Variants in MECOM observed in about 807,000 individuals in gnomAD.
The protein encoded by MECOM is MDS1 and EVI1 complex locus.
Under a neutral mutation model 116.3 loss-of-function variants are expected in MECOM, and 13 were observed. The observed-to-expected ratio is 0.11, with a 90% CI of 0.07 to 0.18. The LOEUF (loss-of-function observed/expected upper bound fraction) is 0.18, where lower values mean the gene tolerates loss of function less well. Among genes scored for constraint, MECOM ranks in the 10% least tolerant of loss-of-function variants. The pLI, the probability that MECOM is intolerant of heterozygous loss-of-function variation, is 1.00. For synonymous variants in MECOM, 528 were observed against 535.2 expected (o/e 0.99, Z 0.19); for missense variants, 1,299 against 1,509.0 (o/e 0.86, Z 2.31).
chr3:169,142,508 A>C (rs1738430093), intron 3 of MECOM, among the ~76,000 whole-genome samples: 1 of 151,962 alleles, frequency 6.6e-6, no homozygotes, highest in Non-Finnish European at 1.5e-5. Flanking sequence ...TTCTGTTCAC[A>C]ATCAATAGCT....
intron 1 of MECOM, among the ~76,000 whole-genome samples, chr3:169,472,533 A>AAAGG (rs1749553992): frequency 3.5e-5 from 3 of 85,144 alleles, no homozygotes; most frequent in African/African-American, 1.2e-4. Context: ...AAAAGAAAAG[A>AAAGG]AAAGGAAAGG....
chr3:169,157,081 A>T (rs1343554104), intron 2 of MECOM, among the ~76,000 whole-genome samples: 2 of 152,196 alleles, frequency 1.3e-5, no homozygotes, highest in African/African-American at 2.4e-5. Flanking sequence ...ATTTCATAGG[A>T]GCGACCACAC....
intron 2 of MECOM, among the ~76,000 whole-genome samples, chr3:169,249,203 C>T (rs760609394): frequency 3.3e-5 from 5 of 152,098 alleles, no homozygotes; most frequent in Non-Finnish European, 7.3e-5. Flanking sequence ...AATGAATGAA[C>T]CAATAAACAC....
chr3:169,452,015 G>A (rs531908710), intron 1 of MECOM, among the ~76,000 whole-genome samples: 1 of 151,814 alleles, frequency 6.6e-6, no homozygotes, highest in East Asian at 1.9e-4. Flanking sequence ...CAAAATACTA[G>A]TCTCTAGTAA....
At chr3:169,499,812 A>C (rs1442536412) in intron 1 of MECOM, among the ~76,000 whole-genome samples, 1 of 152,084 alleles carries the variant, frequency 6.6e-6, no homozygotes, top group East Asian at 1.9e-4. Flanking sequence ...CCTAGGGAGG[A>C]GGTTAAGACT....
chr3:169,523,359 A>G (rs903935375), intron 1 of MECOM, among the ~76,000 whole-genome samples: 2 of 152,088 alleles, frequency 1.3e-5, no homozygotes, highest in Non-Finnish European at 2.9e-5. Context: ...GGGAGAGAGG[A>G]TCCTCAAGAA....
At chr3:169,421,887 G>A (rs866080135) in intron 1 of MECOM, among the ~76,000 whole-genome samples, 31 of 152,044 alleles carry the variant, frequency 2.0e-4, no homozygotes, top group African/African-American at 7.5e-4. Flanking sequence ...ACATAGATTA[G>A]CTGTAATAAT....
intron 1 of MECOM, among the ~76,000 whole-genome samples, chr3:169,641,096 G>A (rs146031428): frequency 2.9e-4 from 44 of 152,318 alleles, no homozygotes; most frequent in Admixed American, 1.5e-3. Context: ...GCCACCCTAA[G>A]ATTGGAGTTC....
chr3:169,438,039 G>GTAGA (rs1327939207), intron 1 of MECOM, among the ~76,000 whole-genome samples: 2 of 152,156 alleles, frequency 1.3e-5, no homozygotes, highest in Non-Finnish European at 2.9e-5. Flanking sequence ...AGCCCATGAG[G>GTAGA]TAGATATGAC....
chr3:169,495,918 G>A (rs1161345662), intron 1 of MECOM, among the ~76,000 whole-genome samples: 1 of 152,110 alleles, frequency 6.6e-6, no homozygotes. Flanking sequence ...CTGATGTGAG[G>A]ATCTCATGAG....
intron 1 of MECOM, among the ~76,000 whole-genome samples, chr3:169,656,553 G>A (rs577465721): frequency 6.6e-5 from 10 of 152,164 alleles, no homozygotes; most frequent in South Asian, 2.1e-4. Context: ...TAATAATGCC[G>A]AAGAGTATGG....
chr3:169,138,313 A>T (rs1736994948), intron 3 of MECOM, among the ~76,000 whole-genome samples: 1 of 152,148 alleles, frequency 6.6e-6, no homozygotes, highest in Non-Finnish European at 1.5e-5. Flanking sequence ...CAGTTTGTGA[A>T]TCTTAACAAA....
At chr3:169,200,733 C>A (rs1430144821) in intron 2 of MECOM, among the ~76,000 whole-genome samples, 2 of 152,026 alleles carry the variant, frequency 1.3e-5, no homozygotes, top group African/African-American at 4.8e-5. Flanking sequence ...AGGTCTTCCC[C>A]AGACAGCTTA....
chr3:169,356,967 T>C (rs964240250), intron 2 of MECOM, among the ~76,000 whole-genome samples: 1 of 151,880 alleles, frequency 6.6e-6, no homozygotes, highest in Admixed American at 6.6e-5. Flanking sequence ...AAGAGTAGTG[T>C]CACATAAAGA....
At chr3:169,497,123 AAT>A (rs1219922654) in intron 1 of MECOM, among the ~76,000 whole-genome samples, 1 of 152,134 alleles carries the variant, frequency 6.6e-6, no homozygotes, top group Admixed American at 6.5e-5. Context: ...CTTTAATGGC[AAT>A]ATTATTCTCC....
At chr3:169,325,386 GA>G (rs1266935399) in intron 2 of MECOM, among the ~76,000 whole-genome samples, 2 of 152,172 alleles carry the variant, frequency 1.3e-5, no homozygotes, top group Non-Finnish European at 2.9e-5. Context: ...CATAACAACT[GA>G]AAAGTATCTA....
At chr3:169,232,951 A>T (rs1753586228) in intron 2 of MECOM, among the ~76,000 whole-genome samples, 1 of 151,940 alleles carries the variant, frequency 6.6e-6, no homozygotes, top group South Asian at 2.1e-4. Context: ...TCTCTTCCAG[A>T]CCATTCACCC....
At chr3:169,515,544 C>T (rs761645806) in intron 1 of MECOM, among the ~76,000 whole-genome samples, 4 of 151,932 alleles carry the variant, frequency 2.6e-5, no homozygotes, top group Non-Finnish European at 5.9e-5. Flanking sequence ...TTCACCATAC[C>T]ATACTACCTC....
In MECOM at chr3:169,116,529, G is replaced by A. The variant is rs138337432; in HGVS notation, c.1343C>T (p.Thr448Ile). 9 of 1,614,118 alleles carry A rather than the reference G, an allele frequency of 5.6e-6. No individual in the cohort carries two copies. The highest frequency in any genetic ancestry group is 6.8e-6 in the Non-Finnish European group (8 of 1,180,006). Reference protein sequence around the residue: ...FFGQGISLPGTPAMDKTSMVN... With the variant: ...FFGQGISLPGIPAMDKTSMVN... Reference sequence around the variant, plus strand: ...CATGGACGTTTTATCCATAGCTGGGGTTCCAGGAAGTGAAATGCCTTGGCC... The same window carrying A: ...CATGGACGTTTTATCCATAGCTGGGATTCCAGGAAGTGAAATGCCTTGGCC... Residue 448 changes from threonine (T) to isoleucine (I), a missense_variant, in exon 8 of 17, where the codon ACC (threonine) becomes ATC (isoleucine). By Grantham distance (89) the Thr-to-Ile change is moderately conservative. This residue lies in a region of MECOM where 238 missense variants were observed against 273.1 expected (regional missense o/e 0.87). Transcript: ENST00000651503.
Sources: allele counts gnomAD v4.1 joint callset (sites outside exome capture counted in the v4.1 genomes callset), GRCh38; gene constraint gnomAD v4.1.1; regional missense constraint gnomAD v4.1.1; transcripts MANE v1.5; gene names NCBI Gene and HGNC (gene_info 2026-07-23, HGNC 2026-07-21).